The following EPHA6 variants were observed in gnomAD, a reference collection of about 807,000 sequenced individuals.
EPHA6 encodes EPH receptor A6, also known as ephrin type-A receptor 6.
Under a neutral mutation model 112.0 loss-of-function variants are expected in EPHA6, and 50 were observed. The ratio of observed to expected loss-of-function variants is 0.45; its 90% CI spans 0.36 to 0.56. The LOEUF (loss-of-function observed/expected upper bound fraction) is 0.56. Among genes scored for constraint, EPHA6 ranks in the 20% least tolerant of loss-of-function variants. The probability of loss-of-function intolerance (pLI) is 0.00; values close to 1 mark genes in which losing one functional copy is unlikely to be tolerated. For synonymous variants in EPHA6, 529 were observed against 490.7 expected, an observed-to-expected ratio of 1.08 and a Z score of -1.03; for missense variants, 1,280 against 1,417.4, an observed-to-expected ratio of 0.90 and a Z score of 1.56.
chr3:97,227,636 G>A (rs1230161718), intron 4 of EPHA6, among the ~76,000 whole-genome samples: 1 of 152,196 alleles, frequency 6.6e-6, no homozygotes, highest in Non-Finnish European at 1.5e-5. Flanking sequence ...AGGGATTTAC[G>A]CTGAGTGAGG....
chr3:96,900,667 T>C (rs1292943268), intron 2 of EPHA6, among the ~76,000 whole-genome samples: 1 of 152,244 alleles, frequency 6.6e-6, no homozygotes, highest in African/African-American at 2.4e-5. Flanking sequence ...TACAGAGTGT[T>C]ACTGAATAAG....
intron 3 of EPHA6, among the ~76,000 whole-genome samples, chr3:97,221,801 G>A (rs951904299): frequency 3.3e-5 from 5 of 152,168 alleles, no homozygotes; most frequent in East Asian, 1.9e-4. Flanking sequence ...GGAGGCCGAC[G>A]CAGGTGGATC....
chr3:97,411,983 T>C (rs2087748865), intron 6 of EPHA6, among the ~76,000 whole-genome samples: 1 of 152,014 alleles, frequency 6.6e-6, no homozygotes, highest in African/African-American at 2.4e-5. Flanking sequence ...ACAGCACCTC[T>C]CAAATGAGGG....
chr3:96,872,875 C>T (rs919882580), intron 2 of EPHA6, among the ~76,000 whole-genome samples: 4 of 151,906 alleles, frequency 2.6e-5, no homozygotes, highest in Admixed American at 1.3e-4. Context: ...TTGAGCTTCC[C>T]GAATCTGTGG....
At chr3:97,230,609 A>G (rs2078495452) in intron 4 of EPHA6, among the ~76,000 whole-genome samples, 2 of 152,170 alleles carry the variant, frequency 1.3e-5, no homozygotes, top group South Asian at 4.1e-4. Flanking sequence ...TACGCTTCAT[A>G]GTTCTTAGTT....
chr3:97,354,341 A>G (rs932567355), intron 5 of EPHA6, among the ~76,000 whole-genome samples: 10 of 152,140 alleles, frequency 6.6e-5, no homozygotes, highest in Non-Finnish European at 1.3e-4. Context: ...AGAGACTTCA[A>G]AATAGCTGTT....
chr3:96,920,173 G>T (rs1332551852), intron 2 of EPHA6, among the ~76,000 whole-genome samples: 1 of 151,862 alleles, frequency 6.6e-6, no homozygotes, highest in African/African-American at 2.4e-5. Flanking sequence ...AACCTTTAGT[G>T]AAGCTATTTT....
intron 6 of EPHA6, among the ~76,000 whole-genome samples, 186 bp downstream of exon 6, chr3:97,405,460 T>C (rs1340592952): frequency 3.9e-5 from 6 of 152,130 alleles, no homozygotes; most frequent in Non-Finnish European, 7.4e-5. Flanking sequence ...GATTAATTTA[T>C]CTTGTTTTGT....
At chr3:97,441,695 T>C (rs1029787151) in intron 6 of EPHA6, among the ~76,000 whole-genome samples, 1 of 152,092 alleles carries the variant, frequency 6.6e-6, no homozygotes, top group Non-Finnish European at 1.5e-5. Flanking sequence ...TTAGGTATTA[T>C]AAGGTTTCTG....
At position 96,814,887 on chromosome 3, in the gene EPHA6, A is replaced by G. The variant is rs1210489493; in HGVS notation, c.264A>G (p.Lys88=). ...RCRHFSLRER[K]REPRRTMGGC... ...GCCACTTCTCTTTAAGGGAGAGGAA[A>G]AGAGAGCCTAGGAGAACCATGGGGG... The change falls in exon 1 of 18, where the codon AAA becomes AAG. Residue 88 remains lysine, a synonymous_variant. Coordinates refer to ENST00000389672, the MANE Select transcript of EPHA6 (RefSeq NM_001080448.3). 1.9e-6 allele frequency: 3 copies of G among 1,554,726 alleles called. No homozygotes were observed. The South Asian group carries it at 3.6e-5, about 18-fold the overall frequency.
At chr3:96,898,365 G>A (rs1010282924) in intron 2 of EPHA6, among the ~76,000 whole-genome samples, 8 of 152,108 alleles carry the variant, frequency 5.3e-5, no homozygotes, top group African/African-American at 7.2e-5. Flanking sequence ...AAAACATAGC[G>A]AATAGAAGAA....
intron 14 of EPHA6, among the ~76,000 whole-genome samples, chr3:97,717,231 C>CAAA (rs748817650): frequency 8.2e-5 from 4 of 48,782 alleles, no homozygotes; most frequent in Admixed American, 2.2e-4. Flanking sequence ...AACTCCATCT[C>CAAA]AAAAAAAAAA....
chr3:97,223,557 G>C lies in EPHA6; in HGVS notation c.1115-2707G>C, dbSNP rs530654973. Among the ~76,000 whole-genome samples, 6 of 152,274 alleles carry C rather than the reference G, an allele frequency of 3.9e-5. No homozygotes were observed. The South Asian group carries it at 1.2e-3, about 32-fold the overall frequency. ...GTAGGAAATGAAAAGCAGAGTCACT[G>C]GGGGTGGGGAGCAAAACCATGCGGT... On this transcript the variant is annotated intron_variant, in intron 3 of 17. Coordinates refer to ENST00000389672, the MANE Select transcript of EPHA6 (RefSeq NM_001080448.3).
intron 5 of EPHA6, among the ~76,000 whole-genome samples, chr3:97,323,200 GT>G (rs1253452782): frequency 2.0e-5 from 3 of 150,992 alleles, no homozygotes; most frequent in African/African-American, 4.9e-5. Context: ...TAATGAACTG[GT>G]TTTTTTTTAA....
chr3:97,370,750 T>C (rs2085003502), intron 5 of EPHA6, among the ~76,000 whole-genome samples: 1 of 152,210 alleles, frequency 6.6e-6, no homozygotes, highest in African/African-American at 2.4e-5. Flanking sequence ...AGCTTTGTAC[T>C]ATGTGAATTA....
intron 3 of EPHA6, among the ~76,000 whole-genome samples, chr3:97,117,738 A>G (rs1298772228): frequency 6.6e-6 from 1 of 151,740 alleles, no homozygotes; most frequent in African/African-American, 2.4e-5. Context: ...CAAGATTGTG[A>G]TCTTAGCTGT....
At chr3:97,435,637 G>A (rs2089785746) in intron 6 of EPHA6, among the ~76,000 whole-genome samples, 1 of 152,126 alleles carries the variant, frequency 6.6e-6, no homozygotes, top group Admixed American at 6.6e-5. Flanking sequence ...TAAATACATA[G>A]TCCATAAATA....
chr3:97,220,442 T>C (rs1576708920), intron 3 of EPHA6, among the ~76,000 whole-genome samples: 1 of 152,172 alleles, frequency 6.6e-6, no homozygotes. Flanking sequence ...CTGCCCAAGA[T>C]TGGGTAATTT....
At chr3:97,452,961 G>GA (rs529007687) in intron 7 of EPHA6, among the ~76,000 whole-genome samples, 31 of 151,506 alleles carry the variant, frequency 2.0e-4, no homozygotes, top group African/African-American at 7.2e-4. Context: ...AAATTGCTTG[G>GA]AAAAAACATA....
Sources: gnomAD v4.1 joint callset for allele counts (sites outside exome capture counted in the v4.1 genomes callset) on GRCh38, gnomAD v4.1.1 for gene constraint, MANE v1.5 for transcripts, NCBI Gene and HGNC (gene_info 2026-07-23, HGNC 2026-07-21) for gene names.